Variants in LRFN5 observed in about 807,000 individuals in gnomAD.
LRFN5 encodes leucine rich repeat and fibronectin type III domain containing 5, also known as leucine-rich repeat and fibronectin type-III domain-containing protein 5.
A neutral mutation model predicts 45.6 loss-of-function variants in LRFN5; 24 were observed. The observed-to-expected ratio is 0.53, with a 90% CI of 0.38 to 0.74. The LOEUF (loss-of-function observed/expected upper bound fraction) is 0.74, where lower values mean the gene tolerates loss of function less well. Ranked by LOEUF, LRFN5 falls within the 30% of genes least tolerant of loss-of-function variation. The pLI is 0.00. For missense variants in LRFN5, 776 were observed against 861.5 expected (o/e 0.90, Z 1.24); for synonymous variants, 340 against 313.8 (o/e 1.08, Z -0.88).
rs978000204 is a variant in LRFN5 at position 41,781,198 on chromosome 14, T to C, written c.-21+14169T>C. Among the ~76,000 whole-genome samples, 15 of 152,228 alleles carry C rather than the reference T, an allele frequency of 9.9e-5. No homozygotes were observed. In the South Asian group the frequency reaches 3.1e-3, roughly 32 times the overall value. ...CTGAAAGAACTTCTTTTAAAATTTC[T>C]GGCAGGGCATGTGTGCTTGTGATGA... On this transcript the variant is annotated intron_variant, in intron 2 of 5. Coordinates refer to ENST00000298119, the MANE Select transcript of LRFN5 (RefSeq NM_152447.5).
chr14:41,766,780 G>A (rs1885898270), intron 1 of LRFN5, 74 bp from the exon 2 acceptor site: 1 of 152,346 alleles, frequency 6.6e-6, no homozygotes, highest in Admixed American at 6.6e-5. Context: ...CCAGTTAACA[G>A]CCACTATATT....
chr14:41,731,909 T>C (rs754309631), intron 1 of LRFN5: 1 of 151,930 alleles, frequency 6.6e-6, no homozygotes, highest in Non-Finnish European at 1.5e-5. Context: ...AATTAGAGAG[T>C]TGAAGTCATT....
chr14:41,736,093 T>A (rs193016841), intron 1 of LRFN5, among the ~76,000 whole-genome samples: 1 of 152,222 alleles, frequency 6.6e-6, no homozygotes, highest in Non-Finnish European at 1.5e-5. Context: ...TATAGTAGAA[T>A]GATTTATAAT....
chr14:41,668,211 C>T (rs1471049818), intron 1 of LRFN5, among the ~76,000 whole-genome samples: 2 of 152,134 alleles, frequency 1.3e-5, no homozygotes, highest in Non-Finnish European at 2.9e-5. Context: ...CACATCCCAT[C>T]AAAACTATTT....
intron 2 of LRFN5, among the ~76,000 whole-genome samples, chr14:41,781,905 A>G (rs1886543038): frequency 6.6e-6 from 1 of 152,042 alleles, no homozygotes; most frequent in South Asian, 2.1e-4. Flanking sequence ...GGGAAGCCCA[A>G]TGCAATTCAT....
intron 1 of LRFN5, among the ~76,000 whole-genome samples, chr14:41,710,365 A>C (rs1378562485): frequency 6.6e-6 from 1 of 152,164 alleles, no homozygotes; most frequent in Non-Finnish European, 1.5e-5. Context: ...TTCAGGAATA[A>C]GTTTTTAAAA....
chr14:41,659,107 G>T (rs984634998), intron 1 of LRFN5, among the ~76,000 whole-genome samples: 1 of 151,778 alleles, frequency 6.6e-6, no homozygotes, highest in Non-Finnish European at 1.5e-5. Context: ...GAACTTGCAG[G>T]TTTGTTACAT....
In LRFN5 at chr14:41,780,003, T is replaced by A. The variant is rs1886425454; in HGVS notation, c.-21+12974T>A. 2.6e-5 allele frequency among the ~76,000 whole-genome samples: 4 copies of A among 151,944 alleles called. No individual in the cohort carries two copies. The South Asian group carries it at 8.3e-4, about 31-fold the overall frequency. On this transcript the variant is annotated intron_variant, in intron 2 of 5. Coordinates refer to ENST00000298119, the MANE Select transcript of LRFN5 (RefSeq NM_152447.5). ...CCTGCTTTCCTTAGGTTTATGTTGG[T>A]CAATTTTCTCTAGGCTCCTAAAGTA...
intron 2 of LRFN5, among the ~76,000 whole-genome samples, chr14:41,781,654 AAAGAAAGAAAG>A: frequency 6.6e-6 from 1 of 150,944 alleles, no homozygotes. Context: ...AAAGAGAAAG[AAAGAAAGAAAG>A]GAAAGAAAGA....
At chr14:41,874,123 C>T (rs1227433125) in intron 2 of LRFN5, among the ~76,000 whole-genome samples, 1 of 152,170 alleles carries the variant, frequency 6.6e-6, no homozygotes. Flanking sequence ...CAGGGGTCAT[C>T]TACTGTGCTG....
chr14:41,616,482 C>A (rs991169248), intron 1 of LRFN5, among the ~76,000 whole-genome samples: 1 of 152,036 alleles, frequency 6.6e-6, no homozygotes, highest in Non-Finnish European at 1.5e-5. Context: ...CCTCTAGATG[C>A]CATTGATCTC....
intron 1 of LRFN5, among the ~76,000 whole-genome samples, chr14:41,637,594 T>A (rs1305810403): frequency 1.3e-5 from 2 of 152,116 alleles, no homozygotes; most frequent in Non-Finnish European, 2.9e-5. Flanking sequence ...ATGTTTGAGG[T>A]CTATTTCAGT....
intron 1 of LRFN5, among the ~76,000 whole-genome samples, chr14:41,688,693 A>T (rs1352980708): frequency 7.2e-6 from 1 of 139,172 alleles, no homozygotes; most frequent in African/African-American, 3.4e-5. Flanking sequence ...AAACAAAACA[A>T]AAAAAACCAT....
chr14:41,615,399 C>G (rs1322821165), intron 1 of LRFN5, among the ~76,000 whole-genome samples: 1 of 152,056 alleles, frequency 6.6e-6, no homozygotes, highest in East Asian at 1.9e-4. Flanking sequence ...TTGAAATTTC[C>G]AAACCACAAT....
At chr14:41,686,485 C>A (rs1426870514) in intron 1 of LRFN5, among the ~76,000 whole-genome samples, 3 of 151,782 alleles carry the variant, frequency 2.0e-5, no homozygotes, top group Non-Finnish European at 4.4e-5. Flanking sequence ...TTGCCCTGGC[C>A]AGAACTTCTA....
intron 2 of LRFN5, among the ~76,000 whole-genome samples, chr14:41,831,818 A>C (rs563711019): frequency 1.6e-4 from 25 of 152,252 alleles, no homozygotes; most frequent in Middle Eastern, 3.4e-3. Context: ...ACCAAAGACT[A>C]GGTGACTTCA....
intron 2 of LRFN5, among the ~76,000 whole-genome samples, chr14:41,860,899 A>G (rs1389408299): frequency 6.6e-6 from 1 of 152,216 alleles, no homozygotes; most frequent in African/African-American, 2.4e-5. Context: ...TTTAAACAAA[A>G]TGAAATACAT....
chr14:41,878,981 T>A (rs1890280412), intron 2 of LRFN5, among the ~76,000 whole-genome samples: 1 of 152,090 alleles, frequency 6.6e-6, no homozygotes, highest in Non-Finnish European at 1.5e-5. Context: ...GAAATCTTCA[T>A]CTTGTCCAAA....
chr14:41,658,361 T>C (rs1040881900), intron 1 of LRFN5, among the ~76,000 whole-genome samples: 1 of 152,018 alleles, frequency 6.6e-6, no homozygotes, highest in Non-Finnish European at 1.5e-5. Context: ...TTGGCACTTA[T>C]ACCATCTTCC....
Sources: allele counts gnomAD v4.1 joint callset (sites outside exome capture counted in the v4.1 genomes callset), GRCh38; gene constraint gnomAD v4.1.1; transcripts MANE v1.5; gene names NCBI Gene and HGNC (gene_info 2026-07-23, HGNC 2026-07-21).